The following SHROOM2 variants were observed in gnomAD, a reference collection of about 807,000 sequenced individuals.
The protein encoded by SHROOM2 is shroom family member 2, also known as protein Shroom2.
Under a neutral mutation model 75.9 loss-of-function variants are expected in SHROOM2, and 33 were observed. The observed-to-expected ratio is 0.43, with a 90% CI of 0.33 to 0.58. SHROOM2 has a LOEUF of 0.58. Among genes scored for constraint, SHROOM2 ranks in the 20% least tolerant of loss-of-function variants. The pLI is 0.04. For missense variants in SHROOM2, 1,434 were observed against 1,461.2 expected, an observed-to-expected ratio of 0.98 and a Z score of 0.30; for synonymous variants, 655 against 663.6, an observed-to-expected ratio of 0.99 and a Z score of 0.20.
chrX:9,830,779 T>C, intron 1 of SHROOM2, among the ~76,000 whole-genome samples: 1 of 109,089 alleles, frequency 9.2e-6, no homozygotes, highest in Admixed American at 9.9e-5. Flanking sequence ...TATTTTTGTA[T>C]TTTTAGTAGA....
At chrX:9,908,689 G>T (rs1390564557) in intron 5 of SHROOM2, among the ~76,000 whole-genome samples, 1 of 110,802 alleles carries the variant, frequency 9.0e-6, no homozygotes, top group African/African-American at 3.3e-5. Flanking sequence ...AGGCACAGGG[G>T]CTCATGCCTA....
intron 5 of SHROOM2, among the ~76,000 whole-genome samples, chrX:9,899,728 A>G (rs1297854169): frequency 8.9e-6 from 1 of 112,278 alleles, no homozygotes; most frequent in Non-Finnish European, 1.9e-5. Flanking sequence ...CGAATAATCC[A>G]CCTACAGAAT....
At chrX:9,820,247 C>A (rs1031490194) in intron 1 of SHROOM2, among the ~76,000 whole-genome samples, 5 of 104,811 alleles carry the variant, frequency 4.8e-5, no homozygotes, top group African/African-American at 1.8e-4. Context: ...CTGGCACCAT[C>A]CTATGGCCCA....
chrX:9,827,065 G>A (rs994549904), intron 1 of SHROOM2, among the ~76,000 whole-genome samples: 2 of 110,609 alleles, frequency 1.8e-5, no homozygotes, highest in African/African-American at 6.6e-5. Context: ...GGGGAGCTGC[G>A]AAGCGCTATT....
At chrX:9,811,135 C>G (rs1288773967) in intron 1 of SHROOM2, among the ~76,000 whole-genome samples, 1 of 111,923 alleles carries the variant, frequency 8.9e-6, no homozygotes, top group African/African-American at 3.3e-5. Flanking sequence ...TGGAAGAGGT[C>G]CAGTATAATC....
chrX:9,890,827 C>T (rs781679078), intron 2 of SHROOM2, 150 bp from the exon 3 acceptor site: 8 of 504,374 alleles, frequency 1.6e-5, no homozygotes, highest in South Asian at 7.5e-5. Flanking sequence ...CACAAGCGCA[C>T]GTGCGCTGTG....
At chrX:9,864,943 T>G (rs952271398) in intron 1 of SHROOM2, 1 of 111,754 alleles carries the variant, frequency 8.9e-6, no homozygotes, top group Middle Eastern at 4.7e-3. Flanking sequence ...AGCCTGGGAG[T>G]TCGAGGCTGC....
chrX:9,841,760 G>A (rs1026991946), intron 1 of SHROOM2, among the ~76,000 whole-genome samples: 6 of 112,131 alleles, frequency 5.4e-5, no homozygotes, highest in Non-Finnish European at 9.4e-5. Flanking sequence ...ATTCTAATGA[G>A]GCTAGGTGTG....
In SHROOM2 at chrX:9,890,998, G is replaced by T; in HGVS notation, c.339G>T (p.Arg113Ser). The T allele has an allele frequency of 8.3e-7, 1 of 1,205,778 alleles. No individual in the cohort carries two copies. The highest frequency in any genetic ancestry group is 1.1e-6 in the Non-Finnish European group (1 of 892,723). Reference sequence around the variant, plus strand: ...CTAGGAGGAGCGAGCTGGGCTGGAGGCCTCACTCCTGGCATGCCACCAAGT... The same window carrying T: ...CTAGGAGGAGCGAGCTGGGCTGGAGTCCTCACTCCTGGCATGCCACCAAGT... ...VVKRRSELGW[R>S]PHSWHATKFS... is the part of the protein sequence containing the mutation. Residue 113 changes from arginine to serine, a missense_variant, in exon 3 of 10, where the codon AGG becomes AGT. By Grantham distance (110) the Arg-to-Ser change is moderately radical. Transcript: ENST00000380913.
intron 1 of SHROOM2, chrX:9,865,626 T>C (rs1303187843): frequency 1.1e-5 from 1 of 93,298 alleles, no homozygotes; most frequent in Non-Finnish European, 2.1e-5. Context: ...AGTGGCTCCA[T>C]CTCGACTCAC....
chrX:9,923,070 A>G (rs1300829450), intron 5 of SHROOM2, among the ~76,000 whole-genome samples: 13 of 111,606 alleles, frequency 1.2e-4, no homozygotes, highest in African/African-American at 4.2e-4. Flanking sequence ...ACTAAGGGAG[A>G]GGGGATGGGA....
Position 9,788,122 on chromosome X carries a change from A to G in SHROOM2, c.165+1412A>G, listed in dbSNP as rs969184588. Among the ~76,000 whole-genome samples, 3 of 109,553 alleles carry G rather than the reference A, an allele frequency of 2.7e-5. No homozygotes were observed. The Admixed American group carries it at 2.9e-4, about 11-fold the overall frequency. The stretch of plus-strand genomic sequence containing the variant: ...AACGGGGAGTTTCACCATTTTGCCC[A>G]GGCTGGTCTCGAACTCCTCTGCCTC... On this transcript the variant is annotated intron_variant, in intron 1 of 9. Coordinates refer to ENST00000380913, the MANE Select transcript of SHROOM2 (RefSeq NM_001649.4).
chrX:9,801,422 G>A (rs1384638252), intron 1 of SHROOM2, among the ~76,000 whole-genome samples: 2 of 111,733 alleles, frequency 1.8e-5, no homozygotes, highest in Non-Finnish European at 3.8e-5. Context: ...ATCTTCTGCT[G>A]TTACCCACCT....
intron 5 of SHROOM2, 103 bp from the exon 6 acceptor site, chrX:9,932,072 C>G: frequency 3.9e-6 from 3 of 771,450 alleles, no homozygotes; most frequent in Non-Finnish European, 5.4e-6. Flanking sequence ...GGATTTAACT[C>G]CTGAAAGTGG....
At chrX:9,862,070 G>T (rs1256069549) in intron 1 of SHROOM2, among the ~76,000 whole-genome samples, 3 of 112,184 alleles carry the variant, frequency 2.7e-5, no homozygotes, top group African/African-American at 9.7e-5. Context: ...ACAGAAGCAA[G>T]GTTGAACAGT....
At chrX:9,893,283 T>C (rs2084304325) in intron 3 of SHROOM2, among the ~76,000 whole-genome samples, 1 of 111,001 alleles carries the variant, frequency 9.0e-6, no homozygotes, top group South Asian at 3.8e-4. Context: ...TTTAAAAAGT[T>C]TTTATAGAGA....
intron 1 of SHROOM2, among the ~76,000 whole-genome samples, chrX:9,833,463 A>G (rs1255755796): frequency 9.0e-6 from 1 of 111,166 alleles, no homozygotes; most frequent in Non-Finnish European, 1.9e-5. Context: ...GTTTAAAACT[A>G]TATTATGAAT....
At chrX:9,943,578 G>A (rs1373805323) in intron 8 of SHROOM2, among the ~76,000 whole-genome samples, 4 of 111,931 alleles carry the variant, frequency 3.6e-5, no homozygotes, top group African/African-American at 9.8e-5. Flanking sequence ...TAATAGTTAC[G>A]CAGTTTCAGT....
intron 1 of SHROOM2, among the ~76,000 whole-genome samples, chrX:9,796,418 T>A (rs766386105): frequency 9.1e-6 from 1 of 109,826 alleles, no homozygotes; most frequent in African/African-American, 3.3e-5. Context: ...AGTGAGACTC[T>A]GTCTCAAAAA....
Sources: gnomAD v4.1 joint callset for allele counts (sites outside exome capture counted in the v4.1 genomes callset) on GRCh38, gnomAD v4.1.1 for gene constraint, MANE v1.5 for transcripts, NCBI Gene and HGNC (gene_info 2026-07-23, HGNC 2026-07-21) for gene names.